The following ADCY2 variants were observed in gnomAD, a reference collection of about 807,000 sequenced individuals.
ADCY2 encodes adenylate cyclase 2.
ADCY2 carries 31 observed loss-of-function variants against 125.2 expected under a neutral mutation model. That is an observed-to-expected ratio of 0.25 (90% CI 0.19 to 0.33). The LOEUF (loss-of-function observed/expected upper bound fraction) is 0.33, where lower values mean the gene tolerates loss of function less well. Ranked by LOEUF, ADCY2 falls within the 10% of genes least tolerant of loss-of-function variation. The pLI is 1.00. For synonymous variants in ADCY2, 512 were observed against 548.4 expected, an observed-to-expected ratio of 0.93 and a Z score of 0.93; for missense variants, 904 against 1,418.2, an observed-to-expected ratio of 0.64 and a Z score of 5.82.
At chr5:7,670,929 A>G (rs1561157539) in intron 4 of ADCY2, among the ~76,000 whole-genome samples, 1 of 151,982 alleles carries the variant, frequency 6.6e-6, no homozygotes, top group Non-Finnish European at 1.5e-5. Flanking sequence ...TCTAAAATGA[A>G]CTCCATTGAT....
At chr5:7,741,175 A>G (rs1257058352) in intron 14 of ADCY2, among the ~76,000 whole-genome samples, 1 of 152,138 alleles carries the variant, frequency 6.6e-6, no homozygotes, top group Non-Finnish European at 1.5e-5. Flanking sequence ...GAAAATCATC[A>G]AAATTGACTC....
chr5:7,664,638 C>T (rs1739652049), intron 4 of ADCY2, among the ~76,000 whole-genome samples: 1 of 152,156 alleles, frequency 6.6e-6, no homozygotes, highest in Admixed American at 6.5e-5. Flanking sequence ...ATGTTTTACC[C>T]CAAAATATAT....
At chr5:7,573,572 C>G (rs1462349039) in intron 3 of ADCY2, among the ~76,000 whole-genome samples, 1 of 131,240 alleles carries the variant, frequency 7.6e-6, no homozygotes, top group Non-Finnish European at 1.7e-5. Context: ...TTTGCAGCCT[C>G]TGGGATACAG....
chr5:7,397,445 GTTTTTTTTTT>G (rs767411861), intron 1 of ADCY2, among the ~76,000 whole-genome samples: 4 of 70,098 alleles, frequency 5.7e-5, no homozygotes, highest in South Asian at 7.3e-4. Flanking sequence ...CCACCAGTGA[GTTTTTTTTTT>G]TTTTTTTTTT....
At chr5:7,736,185 A>G (rs7711640) in intron 14 of ADCY2, among the ~76,000 whole-genome samples, 10,769 of 152,202 alleles carry the variant, frequency 0.071, 441 homozygotes, top group South Asian at 0.12. Flanking sequence ...GCACCACTGC[A>G]CTCTTGCTTG....
chr5:7,410,070 C>T (rs1739650502), intron 1 of ADCY2, among the ~76,000 whole-genome samples: 1 of 152,114 alleles, frequency 6.6e-6, no homozygotes, highest in African/African-American at 2.4e-5. Context: ...TAATTACTGT[C>T]ATTTGTGGTA....
intron 1 of ADCY2, among the ~76,000 whole-genome samples, chr5:7,397,342 A>G (rs1739088825): frequency 6.6e-6 from 1 of 150,732 alleles, no homozygotes; most frequent in Non-Finnish European, 1.5e-5. Context: ...GTAGATGGCG[A>G]TAACTTCCTG....
intron 3 of ADCY2, among the ~76,000 whole-genome samples, chr5:7,545,919 G>T (rs1735134193): frequency 1.3e-5 from 2 of 152,172 alleles, no homozygotes; most frequent in Admixed American, 1.3e-4. Flanking sequence ...TGCGCTGGGT[G>T]TGTGCAGACG....
chr5:7,626,077 T>G, intron 3 of ADCY2, 90 bp from the exon 4 acceptor site: 1 of 1,408,404 alleles, frequency 7.1e-7, no homozygotes, highest in Non-Finnish European at 9.7e-7. Context: ...GTTATCTCTC[T>G]GAAGACTGTT....
At chr5:7,670,389 G>A (rs141319203) in intron 4 of ADCY2, among the ~76,000 whole-genome samples, 1 of 152,310 alleles carries the variant, frequency 6.6e-6, no homozygotes, top group African/African-American at 2.4e-5. Context: ...AGTAGGTATT[G>A]TGTGTAAAAT....
intron 2 of ADCY2, among the ~76,000 whole-genome samples, chr5:7,481,879 A>C (rs1328802763): frequency 6.6e-6 from 1 of 152,084 alleles, no homozygotes; most frequent in African/African-American, 2.4e-5. Flanking sequence ...TACTCAAGAA[A>C]CCTTTGCACA....
chr5:7,444,270 C>T lies in ADCY2; in HGVS notation c.408+29500C>T, dbSNP rs1369960184. 2.0e-5 allele frequency among the ~76,000 whole-genome samples: 3 copies of T among 151,492 alleles called. No homozygotes were observed. In the South Asian group the frequency reaches 6.3e-4, roughly 32 times the overall value. ...CTGGGACTACAGGCGCCCGCCACCACGCCTGGTTAATTTTTTTTGTATTTT... is the reference window on the plus strand; with the variant it reads ...CTGGGACTACAGGCGCCCGCCACCATGCCTGGTTAATTTTTTTTGTATTTT... On this transcript the variant is annotated intron_variant, in intron 2 of 24. Coordinates refer to ENST00000338316, the MANE Select transcript of ADCY2 (RefSeq NM_020546.3).
At chr5:7,577,923 G>A (rs1272059750) in intron 3 of ADCY2, among the ~76,000 whole-genome samples, 1 of 152,148 alleles carries the variant, frequency 6.6e-6, no homozygotes, top group African/African-American at 2.4e-5. Flanking sequence ...CAGCAGAGAA[G>A]GACAAGAGAT....
At chr5:7,502,336 C>T (rs191749306) in intron 2 of ADCY2, among the ~76,000 whole-genome samples, 5 of 152,238 alleles carry the variant, frequency 3.3e-5, no homozygotes, top group Admixed American at 3.3e-4. Flanking sequence ...AGGGAGCAGC[C>T]CCTGCTATGG....
intron 5 of ADCY2, among the ~76,000 whole-genome samples, chr5:7,693,205 G>A (rs1489901837): frequency 1.3e-5 from 2 of 151,948 alleles, no homozygotes; most frequent in Non-Finnish European, 2.9e-5. Flanking sequence ...TAAACCTTCA[G>A]TTGGGCTCTC....
At chr5:7,481,022 A>G (rs187006769) in intron 2 of ADCY2, among the ~76,000 whole-genome samples, 1 of 152,178 alleles carries the variant, frequency 6.6e-6, no homozygotes, top group East Asian at 1.9e-4. Flanking sequence ...GCTGGATCAT[A>G]TGGTAACTCT....
intron 19 of ADCY2, 28 bp downstream of exon 19, chr5:7,784,477 G>A: frequency 4.0e-6 from 6 of 1,505,670 alleles, no homozygotes; most frequent in South Asian, 1.1e-5. Context: ...ATATATGTAT[G>A]TATACCTTCT....
chr5:7,590,943 G>C (rs1461237988), intron 3 of ADCY2, among the ~76,000 whole-genome samples: 1 of 151,914 alleles, frequency 6.6e-6, no homozygotes, highest in African/African-American at 2.4e-5. Flanking sequence ...TATTCAAATG[G>C]AAAAAGTGGT....
intron 2 of ADCY2, among the ~76,000 whole-genome samples, chr5:7,447,216 T>C (rs557677567): frequency 6.6e-6 from 1 of 152,294 alleles, no homozygotes; most frequent in South Asian, 2.1e-4. Context: ...CAAGCTCTTC[T>C]GCAACTCTCG....
Sources: gnomAD v4.1 joint callset for allele counts (sites outside exome capture counted in the v4.1 genomes callset) on GRCh38, gnomAD v4.1.1 for gene constraint, MANE v1.5 for transcripts, NCBI Gene and HGNC (gene_info 2026-07-23, HGNC 2026-07-21) for gene names.